The following STON2 variants were observed in gnomAD, a reference collection of about 807,000 sequenced individuals.
STON2 encodes the protein stonin 2.
Under a neutral mutation model 65.7 loss-of-function variants are expected in STON2, and 29 were observed. That is an observed-to-expected ratio of 0.44 (90% CI 0.33 to 0.60). STON2 has a LOEUF of 0.60. Ranked by LOEUF, STON2 falls within the 20% of genes least tolerant of loss-of-function variation. STON2 has a pLI of 0.03. For missense variants in STON2, 1,054 were observed against 1,118.1 expected (o/e 0.94, Z 0.82); for synonymous variants, 404 against 414.2 (o/e 0.98, Z 0.30).
chr14:81,423,524 A>G (rs1433514359), intron 2 of STON2, among the ~76,000 whole-genome samples: 4 of 152,126 alleles, frequency 2.6e-5, no homozygotes, highest in Non-Finnish European at 5.9e-5. Context: ...AGCAGAAGGA[A>G]GCCAGGCACT....
At chr14:81,310,103 T>C (rs967197831) in intron 5 of STON2, among the ~76,000 whole-genome samples, 4 of 152,204 alleles carry the variant, frequency 2.6e-5, no homozygotes, top group African/African-American at 9.7e-5. Flanking sequence ...TTTAAAACCC[T>C]AAAATTCATA....
rs556591224 is a variant in STON2, at chr14:81,264,194, A to G, written c.*4220T>C. The G allele has an allele frequency of 1.5e-4, 146 of 985,464 alleles. No individual in the cohort carries two copies. The African/African-American group carries it at 2.4e-3, about 16-fold the overall frequency. 61.0% of individuals were successfully genotyped at this position (985,464 alleles called of 1,614,324 possible). A position where few individuals can be genotyped will look rare whatever the true frequency, so the allele number is the denominator to read the frequency against. The stretch of plus-strand genomic sequence containing the variant: ...GCTTTGGGGCACAAAAATGTTTTTC[A>G]ATGTGAATGAGGTACATTGTAGTTC... On this transcript the variant is annotated 3_prime_UTR_variant, in exon 8 of 8. Transcript: ENST00000614646.
At chr14:81,334,801 G>A (rs1897314915) in intron 4 of STON2, among the ~76,000 whole-genome samples, 1 of 152,082 alleles carries the variant, frequency 6.6e-6, no homozygotes, top group Admixed American at 6.6e-5. Flanking sequence ...ATAACAGGGA[G>A]CTGGCTGCTC....
chr14:81,357,584 T>C (rs1898298387), intron 4 of STON2, among the ~76,000 whole-genome samples: 1 of 151,950 alleles, frequency 6.6e-6, no homozygotes, highest in African/African-American at 2.4e-5. Context: ...CATGCTGCTA[T>C]AAAGACACAT....
chr14:81,265,662 A>ATAG lies in STON2; in HGVS notation c.*2751_*2752insCTA. On this transcript the variant is annotated 3_prime_UTR_variant, in exon 8 of 8. Coordinates refer to ENST00000614646, the MANE Select transcript of STON2 (RefSeq NM_001394390.1). ...CTTTGTCTCAGTAATAATAATAATA[A>ATAG]TAATAATAATAATACTCTGTCTCAA... 1.8e-6 allele frequency: 1 copy of ATAG among 546,258 alleles called. No individual in the cohort carries two copies. The highest frequency in any genetic ancestry group is 2.3e-6 in the Non-Finnish European group (1 of 428,540). 33.8% of individuals were successfully genotyped at this position (546,258 alleles called of 1,614,324 possible). A position where few individuals can be genotyped will look rare whatever the true frequency, so the allele number is the denominator to read the frequency against.
At chr14:81,308,841 T>TAC in intron 5 of STON2, among the ~76,000 whole-genome samples, 1 of 12,068 alleles carries the variant, frequency 8.3e-5, no homozygotes, top group South Asian at 2.4e-3. Flanking sequence ...TGTGTGTATA[T>TAC]ATATATATAT....
chr14:81,374,266 A>G (rs116293767), intron 3 of STON2, among the ~76,000 whole-genome samples: 8,434 of 150,142 alleles, frequency 0.056, 812 homozygotes, highest in African/African-American at 0.2. Context: ...CCATCTGCCC[A>G]CCTCTGCCTC....
Position 81,268,081 on chromosome 14 carries a change from G to GT in STON2, c.*332dup. The GT allele has an allele frequency of 1.0e-6, 1 of 1,002,768 alleles. No homozygotes were observed. The highest frequency in any genetic ancestry group is 1.7e-5 in the African/African-American group (1 of 57,564). 62.1% of individuals were successfully genotyped at this position (1,002,768 alleles called of 1,614,324 possible). On this transcript the variant is annotated 3_prime_UTR_variant, in exon 8 of 8. Coordinates refer to ENST00000614646, the MANE Select transcript of STON2 (RefSeq NM_001394390.1). ...GATGTGGGAGGTTCTTTTCCTGACT[G>GT]TAACAGTCACAACAAACCACATACC... is the stretch of plus-strand genomic sequence containing the variant.
chr14:81,294,618 A>G (rs995169265), intron 5 of STON2, among the ~76,000 whole-genome samples: 1 of 152,128 alleles, frequency 6.6e-6, no homozygotes, highest in African/African-American at 2.4e-5. Flanking sequence ...TTTATTTTTG[A>G]TATTATTATT....
In STON2 at chr14:81,262,045, AG is replaced by A; in HGVS notation, c.*6368del. The A allele has an allele frequency of 7.5e-7, 1 of 1,325,752 alleles. No homozygotes were observed. Among genetic ancestry groups the A allele is most frequent in the Non-Finnish European group, 9.6e-7 (1 of 1,042,062 alleles). The allele number at this position is 1,325,752 out of a possible 1,614,324, so 82.1% of individuals were successfully genotyped here. On this transcript the variant is annotated 3_prime_UTR_variant, in exon 8 of 8. Transcript: ENST00000614646. ...TAAATTTCTTGGTTCTTATAAACATAGGAAGAGTCACTGAAAGGTGGCACCA... is the reference window on the plus strand; with the variant it reads ...TAAATTTCTTGGTTCTTATAAACATAGAAGAGTCACTGAAAGGTGGCACCA...
intron 3 of STON2, among the ~76,000 whole-genome samples, chr14:81,392,540 G>A (rs1595435664): frequency 1.3e-5 from 2 of 152,024 alleles, no homozygotes; most frequent in Non-Finnish European, 1.5e-5. Flanking sequence ...GGTCCAGGTG[G>A]GCCAAGTGTA....
chr14:81,311,842 C>T (rs1385226203), intron 5 of STON2, among the ~76,000 whole-genome samples: 1 of 152,210 alleles, frequency 6.6e-6, no homozygotes, highest in East Asian at 1.9e-4. Context: ...TACATTCATA[C>T]ATATTACTTC....
rs1894436028 is a variant in STON2 at position 81,268,306 on chromosome 14, C to T, written c.*108G>A. The T allele has an allele frequency of 1.6e-6, 2 of 1,247,100 alleles. No individual in the cohort carries two copies. The highest frequency in any genetic ancestry group is 1.6e-5 in the African/African-American group (1 of 64,286). The allele number at this position is 1,247,100 out of a possible 1,614,324, so 77.3% of individuals were successfully genotyped here. A position where few individuals can be genotyped will look rare whatever the true frequency, so the allele number is the denominator to read the frequency against. ...TACTGTTCCCAACATGCAGTGGCCA[C>T]AGCAGGTATTGACTGCAACTTCAGC... On this transcript the variant is annotated 3_prime_UTR_variant, in exon 8 of 8. Coordinates refer to ENST00000614646, the MANE Select transcript of STON2 (RefSeq NM_001394390.1).
At chr14:81,344,917 A>T (rs1897755132) in intron 4 of STON2, among the ~76,000 whole-genome samples, 2 of 152,224 alleles carry the variant, frequency 1.3e-5, no homozygotes, top group African/African-American at 4.8e-5. Context: ...TAAGCCAATG[A>T]GAGCAGTGGG....
chr14:81,399,829 G>A (rs1380388405), intron 1 of STON2, among the ~76,000 whole-genome samples: 1 of 152,052 alleles, frequency 6.6e-6, no homozygotes, highest in African/African-American at 2.4e-5. Flanking sequence ...GCTTCCTCCA[G>A]GCTAAGTGGA....
rs369886497 is a variant in STON2 at position 81,410,783 on chromosome 14, G to C, written c.-198-12203C>G. Among the ~76,000 whole-genome samples the C allele has an allele frequency of 8.5e-5, 13 of 152,296 alleles. 1 individual carries two copies. Among genetic ancestry groups the C allele is most frequent in the South Asian group, 8.3e-4 (4 of 4,828 alleles). On this transcript the variant is annotated intron_variant, in intron 2 of 8. Coordinates refer to the STON2 transcript ENST00000553821. ...AAGGAAATTGGGAAAGAAAAAGGGA[G>C]TATAACAGTAAAAAATGGGAGGAGA... is the stretch of plus-strand genomic sequence containing the variant.
chr14:81,387,944 C>CTTTTCT (rs1899894994), intron 3 of STON2, among the ~76,000 whole-genome samples: 1 of 125,002 alleles, frequency 8.0e-6, no homozygotes, highest in Non-Finnish European at 1.6e-5. Context: ...ATTTTTATTT[C>CTTTTCT]TTTTCTTTTT....
At chr14:81,422,025 T>C (rs561439125) in intron 2 of STON2, among the ~76,000 whole-genome samples, 18 of 152,198 alleles carry the variant, frequency 1.2e-4, no homozygotes, top group Admixed American at 5.9e-4. Context: ...TCCTCATAAA[T>C]GTGTTATCTT....
intron 4 of STON2, among the ~76,000 whole-genome samples, chr14:81,344,982 A>C (rs546908043): frequency 6.6e-6 from 1 of 152,298 alleles, no homozygotes; most frequent in South Asian, 2.1e-4. Flanking sequence ...GCAGATGAAA[A>C]GGCTGATTGA....
Sources: gnomAD v4.1 joint callset for allele counts (sites outside exome capture counted in the v4.1 genomes callset) on GRCh38, gnomAD v4.1.1 for gene constraint, MANE v1.5 for transcripts, NCBI Gene and HGNC (gene_info 2026-07-23, HGNC 2026-07-21) for gene names.